The following ZNF503 variants were observed in gnomAD, a reference collection of about 807,000 sequenced individuals.
ZNF503 encodes the protein NocA-like zinc finger 2.
ZNF503 carries 15 observed loss-of-function variants against 34.4 expected under a neutral mutation model. The ratio of observed to expected loss-of-function variants is 0.44; its 90% confidence interval spans 0.29 to 0.67. The LOEUF (loss-of-function observed/expected upper bound fraction) is 0.67, where lower values mean the gene tolerates loss of function less well. ZNF503 is among the 30% of genes least tolerant of loss of function. The pLI, the probability that ZNF503 is intolerant of heterozygous loss-of-function variation, is 0.13. For missense variants in ZNF503, 1,007 were observed against 926.8 expected, an observed-to-expected ratio of 1.09 and a Z score of -1.12; for synonymous variants, 580 against 456.8, an observed-to-expected ratio of 1.27 and a Z score of -3.44.
the ZNF503 span, among the ~76,000 whole-genome samples, chr10:75,301,056 C>T: frequency 6.6e-6 from 1 of 152,118 alleles, no homozygotes; most frequent in South Asian, 2.1e-4. Context: ...ACTAATATAG[C>T]CACTCTAGCT....
chr10:75,401,636 G>T lies in ZNF503; in HGVS notation c.-217C>A. ...AGCCGTGGCCGGGCTAGAGGAGCCG[G>T]CTGGACTGCGGGAGTGCCGGGCGGC... On this transcript the variant is annotated 5_prime_UTR_variant, in exon 1 of 2. Coordinates refer to ENST00000372524, the MANE Select transcript of ZNF503 (RefSeq NM_032772.6). 1 of 574,616 alleles carries T rather than the reference G, an allele frequency of 1.7e-6. No individual in the cohort carries two copies. Among genetic ancestry groups the T allele is most frequent in the Non-Finnish European group, 3.0e-6 (1 of 338,712 alleles). 35.6% of individuals were successfully genotyped at this position (574,616 alleles called of 1,614,324 possible).
the ZNF503 span, among the ~76,000 whole-genome samples, chr10:75,347,119 A>C: frequency 6.6e-6 from 1 of 152,220 alleles, no homozygotes; most frequent in African/African-American, 2.4e-5. Flanking sequence ...ATATACACAT[A>C]AAATACTTAG....
chr10:75,380,089 G>C, the ZNF503 span, among the ~76,000 whole-genome samples: 33 of 152,344 alleles, frequency 2.2e-4, no homozygotes, highest in Middle Eastern at 0.014. Flanking sequence ...CCTGTGCCCA[G>C]ACTGACCTGG....
chr10:75,369,769 T>G, the ZNF503 span, among the ~76,000 whole-genome samples: 1 of 152,198 alleles, frequency 6.6e-6, no homozygotes, highest in Non-Finnish European at 1.5e-5. Flanking sequence ...AGAATCTGGA[T>G]AGATATGAAG....
At chr10:75,323,640 A>G in the ZNF503 span, among the ~76,000 whole-genome samples, 3 of 152,066 alleles carry the variant, frequency 2.0e-5, no homozygotes, top group Non-Finnish European at 4.4e-5. Context: ...GCATCTTTTC[A>G]TGTGCTTATT....
Position 75,401,089 on chromosome 10 carries a change from G to C in ZNF503, c.315+16C>G. Reference sequence around the variant, plus strand: ...AGGGTAGTGGTCCCAGTGCGATCCAGAGAGAGGGTCCTTACCTCGATGGGG... The same window carrying C: ...AGGGTAGTGGTCCCAGTGCGATCCACAGAGAGGGTCCTTACCTCGATGGGG... On this transcript the variant is annotated intron_variant, in intron 1 of 1. Coordinates refer to ENST00000372524, the MANE Select transcript of ZNF503 (RefSeq NM_032772.6). 1.2e-6 allele frequency: 2 copies of C among 1,613,780 alleles called. No homozygotes were observed. The highest frequency in any genetic ancestry group is 1.6e-4 in the Middle Eastern group (1 of 6,062).
At chr10:75,297,363 C>T in the ZNF503 span, among the ~76,000 whole-genome samples, 3 of 152,158 alleles carry the variant, frequency 2.0e-5, no homozygotes, top group Non-Finnish European at 4.4e-5. Context: ...TCTGCTCATT[C>T]GTTTACTCAT....
chr10:75,373,767 A>G, the ZNF503 span, among the ~76,000 whole-genome samples: 1 of 152,228 alleles, frequency 6.6e-6, no homozygotes, highest in Non-Finnish European at 1.5e-5. Context: ...TTCAGAATTC[A>G]TAAGTGAATG....
the ZNF503 span, among the ~76,000 whole-genome samples, chr10:75,300,052 G>A: frequency 1.2e-4 from 19 of 152,284 alleles, no homozygotes; most frequent in East Asian, 3.5e-3. Context: ...GCCTGGGAGC[G>A]CTATGGGAGA....
At chr10:75,400,438 C>A in intron 1 of ZNF503, 64 bp from the exon 2 acceptor site, 1 of 1,507,396 alleles carries the variant, frequency 6.6e-7, no homozygotes. Context: ...CCTTTAGAAT[C>A]CTGGCTTCTG....
At chr10:75,333,081 C>T in the ZNF503 span, among the ~76,000 whole-genome samples, 44 of 145,436 alleles carry the variant, frequency 3.0e-4, no homozygotes, top group East Asian at 8.5e-4. Flanking sequence ...ACCTCCCAGA[C>T]GGGGCGGCTG....
chr10:75,317,591 T>G, the ZNF503 span, among the ~76,000 whole-genome samples: 1 of 152,066 alleles, frequency 6.6e-6, no homozygotes, highest in Non-Finnish European at 1.5e-5. Context: ...GGCCCCCATT[T>G]CTTAATATGG....
At chr10:75,400,439 C>T (rs927525248) in intron 1 of ZNF503, 65 bp from the exon 2 acceptor site, 1 of 1,501,682 alleles carries the variant, frequency 6.7e-7, no homozygotes, top group African/African-American at 1.4e-5. Context: ...CTTTAGAATC[C>T]TGGCTTCTGG....
chr10:75,319,722 A>C, the ZNF503 span, among the ~76,000 whole-genome samples: 1 of 152,228 alleles, frequency 6.6e-6, no homozygotes, highest in Non-Finnish European at 1.5e-5. Context: ...AATATTAGGC[A>C]ACTATGTGCT....
At chr10:75,282,689 A>G in the ZNF503 span, among the ~76,000 whole-genome samples, 1 of 152,168 alleles carries the variant, frequency 6.6e-6, no homozygotes, top group African/African-American at 2.4e-5. Flanking sequence ...GCACAAAGAC[A>G]TAAGGGGCTC....
the ZNF503 span, among the ~76,000 whole-genome samples, chr10:75,362,144 G>GAAAT: frequency 8.5e-4 from 129 of 152,262 alleles, 1 homozygote; most frequent in African/African-American, 3.0e-3. Context: ...CTTCACTGGA[G>GAAAT]AAATAGCCCT....
At chr10:75,292,509 T>G in the ZNF503 span, among the ~76,000 whole-genome samples, 2 of 152,356 alleles carry the variant, frequency 1.3e-5, no homozygotes, top group Admixed American at 6.5e-5. Flanking sequence ...CTAGAAGCTC[T>G]GGGGTCCTAG....
At chr10:75,285,473 T>C in the ZNF503 span, among the ~76,000 whole-genome samples, 3 of 152,238 alleles carry the variant, frequency 2.0e-5, no homozygotes, top group Non-Finnish European at 4.4e-5. Context: ...TCAGCCTCCA[T>C]GGATTGTGAA....
At chr10:75,379,957 C>T in the ZNF503 span, among the ~76,000 whole-genome samples, 1 of 152,160 alleles carries the variant, frequency 6.6e-6, no homozygotes. Context: ...ACGCCACACA[C>T]CCACAGCATG....
Sources: allele counts gnomAD v4.1 joint callset (sites outside exome capture counted in the v4.1 genomes callset), GRCh38; gene constraint gnomAD v4.1.1; transcripts MANE v1.5; gene names NCBI Gene and HGNC (gene_info 2026-07-23, HGNC 2026-07-21).